Variants in YPEL5 observed in about 807,000 individuals in gnomAD.
The protein encoded by YPEL5 is protein yippee-like 5.
In YPEL5, 1 loss-of-function variant was observed where a neutral mutation model predicts 10.5. That is an observed-to-expected ratio of 0.10 (90% CI 0.03 to 0.45). The LOEUF is 0.45. YPEL5 is among the 20% of genes least tolerant of loss of function. The pLI, the probability that YPEL5 is intolerant of heterozygous loss-of-function variation, is 0.97. For missense variants in YPEL5, 68 were observed against 159.3 expected (o/e 0.43, Z 3.09); for synonymous variants, 61 against 56.6 (o/e 1.08, Z -0.35).
chr2:30,147,963 C>T (rs6718385), intron 1 of YPEL5: 14,802 of 152,044 alleles, frequency 0.097, 1,673 homozygotes, highest in East Asian at 0.56. Flanking sequence ...CTGCGGCTGC[C>T]GGGTGAGCCC....
intron 1 of YPEL5, among the ~76,000 whole-genome samples, chr2:30,154,813 A>G (rs1459652827): frequency 6.6e-6 from 1 of 152,238 alleles, no homozygotes; most frequent in Non-Finnish European, 1.5e-5. Flanking sequence ...ATCTTGGCTC[A>G]CTGCGACCTC....
intron 1 of YPEL5, among the ~76,000 whole-genome samples, chr2:30,152,574 CTGATGG>C (rs1675848935): frequency 6.6e-6 from 1 of 152,192 alleles, no homozygotes; most frequent in South Asian, 2.1e-4. Context: ...GCAGGAAGGG[CTGATGG>C]TAAACCCTGA....
rs1676056993 is a variant in YPEL5, at chr2:30,156,756, C to T, written c.105C>T (p.Phe35=). Reference sequence around the variant, plus strand: ...GCTCAGAACTCATCTCCACTCGTTTCACAGGCGCCACTGGCAGAGCATTTC... The same window carrying T: ...GCTCAGAACTCATCTCCACTCGTTTTACAGGCGCCACTGGCAGAGCATTTC... ...TNRSELISTR[F]TGATGRAFLF... is the part of the protein sequence containing the mutation. Residue 35 remains phenylalanine (F), a synonymous_variant, in exon 2 of 3, where the codon TTC becomes TTT. Coordinates refer to ENST00000261353, the MANE Select transcript of YPEL5 (RefSeq NM_016061.3). The T allele has an allele frequency of 3.1e-6, 5 of 1,614,134 alleles. No individual in the cohort carries two copies. Among genetic ancestry groups the T allele is most frequent in the Non-Finnish European group, 3.4e-6 (4 of 1,180,018 alleles).
intron 1 of YPEL5, 39 bp from the exon 2 acceptor site, chr2:30,156,589 A>C: frequency 6.3e-7 from 1 of 1,586,380 alleles, no homozygotes; most frequent in Non-Finnish European, 8.6e-7. Context: ...TAACATGATT[A>C]TTATAATGCA....
intron 2 of YPEL5, 72 bp from the exon 3 acceptor site, chr2:30,158,547 C>G: frequency 3.5e-6 from 5 of 1,432,926 alleles, no homozygotes; most frequent in Non-Finnish European, 4.9e-6. Context: ...TTGCATTAAC[C>G]ATAATATTTT....
Position 30,156,159 on chromosome 2 carries a change from T to TC in YPEL5, c.-24-469_-24-468insC, listed in dbSNP as rs1289787613. ...CTCACTCTGTGTTCTCAAACCAGAC[T>TC]ACTCTCTTCTTGTTTTCTAATTGCC... On this transcript the variant is annotated intron_variant, in intron 1 of 2. Coordinates refer to ENST00000261353, the MANE Select transcript of YPEL5 (RefSeq NM_016061.3). 4.6e-5 allele frequency among the ~76,000 whole-genome samples: 7 copies of TC among 152,346 alleles called. 1 individual carries two copies. The East Asian group carries it at 1.3e-3, about 29-fold the overall frequency.
intron 1 of YPEL5, among the ~76,000 whole-genome samples, chr2:30,152,878 T>A (rs1675867531): frequency 7.5e-6 from 1 of 133,760 alleles, no homozygotes; most frequent in African/African-American, 2.9e-5. Flanking sequence ...AGCTTTTTAA[T>A]GACTGTCCTT....
chr2:30,148,927 A>G (rs980137037), intron 1 of YPEL5, among the ~76,000 whole-genome samples: 12 of 152,256 alleles, frequency 7.9e-5, no homozygotes, highest in Non-Finnish European at 2.9e-5. Flanking sequence ...TATAGAGATC[A>G]GTGTCAGTTT....
At chr2:30,157,517 A>G (rs1676096376) in intron 2 of YPEL5, among the ~76,000 whole-genome samples, 1 of 152,196 alleles carries the variant, frequency 6.6e-6, no homozygotes, top group Non-Finnish European at 1.5e-5. Context: ...ATTCATGCTC[A>G]CCAATCATCC....
intron 1 of YPEL5, among the ~76,000 whole-genome samples, chr2:30,150,195 A>G (rs1009048099): frequency 6.6e-6 from 1 of 152,186 alleles, no homozygotes; most frequent in Non-Finnish European, 1.5e-5. Context: ...GTTAATTGTT[A>G]TTGTTTCATA....
intron 1 of YPEL5, 41 bp from the exon 2 acceptor site, chr2:30,156,587 T>G: frequency 1.3e-6 from 2 of 1,585,322 alleles, no homozygotes; most frequent in Non-Finnish European, 1.7e-6. Context: ...GCTAACATGA[T>G]TATTATAATG....
intron 1 of YPEL5, chr2:30,156,426 T>A (rs1676041805): frequency 2.0e-6 from 1 of 490,378 alleles, no homozygotes; most frequent in African/African-American, 1.9e-5. Context: ...CTTTAAAATC[T>A]TCTTAGCTTA....
rs6547996 is a variant in YPEL5, at chr2:30,149,573, C to T, written c.-25+2511C>T. Reference sequence around the variant, plus strand: ...AGTGCTGATTATTATAGTAATCAACCCAGCACTCTTAAAAGTTATTTGGGT... The same window carrying T: ...AGTGCTGATTATTATAGTAATCAACTCAGCACTCTTAAAAGTTATTTGGGT... On this transcript the variant is annotated intron_variant, in intron 1 of 2. Transcript: ENST00000261353. Among the ~76,000 whole-genome samples, 1,034 of 152,206 alleles carry T rather than the reference C, an allele frequency of 6.8e-3. 11 individuals carry two copies. The highest frequency in any genetic ancestry group is 0.024 in the African/African-American group (986 of 41,490).
chr2:30,152,346 G>T (rs1302800841), intron 1 of YPEL5, among the ~76,000 whole-genome samples: 2 of 152,190 alleles, frequency 1.3e-5, no homozygotes, highest in Non-Finnish European at 2.9e-5. Flanking sequence ...GGGTTTAACA[G>T]TCACACTCGC....
chr2:30,155,638 G>T (rs1676008410), intron 1 of YPEL5, among the ~76,000 whole-genome samples: 1 of 152,196 alleles, frequency 6.6e-6, no homozygotes, highest in African/African-American at 2.4e-5. Flanking sequence ...AGGATAATTA[G>T]TTATGATGGA....
chr2:30,149,584 A>C (rs187390968), intron 1 of YPEL5, among the ~76,000 whole-genome samples: 51 of 152,312 alleles, frequency 3.3e-4, no homozygotes, highest in African/African-American at 1.1e-3. Flanking sequence ...CAGCACTCTT[A>C]AAAGTTATTT....
chr2:30,158,559 T>C, intron 2 of YPEL5, 60 bp from the exon 3 acceptor site: 1 of 1,518,592 alleles, frequency 6.6e-7, no homozygotes, highest in South Asian at 1.1e-5. Context: ...TAATATTTTG[T>C]ACATACTTGG....
intron 1 of YPEL5, chr2:30,148,241 A>G (rs1675602050): frequency 1.3e-5 from 2 of 152,232 alleles, no homozygotes; most frequent in Admixed American, 6.5e-5. Flanking sequence ...TTTTCTGTTT[A>G]CAGAGATCTG....
In YPEL5 at chr2:30,158,969, C is replaced by CT. The variant is rs1676161935; in HGVS notation, c.*127dup. On this transcript the variant is annotated 3_prime_UTR_variant, in exon 3 of 3. Coordinates refer to ENST00000261353, the MANE Select transcript of YPEL5 (RefSeq NM_016061.3). ...CTGCGGAACAAGAGGTTGTGAGAATCTAAGATGGAACCTTTCTTTCTTTCT... is the reference window on the plus strand; with the variant it reads ...CTGCGGAACAAGAGGTTGTGAGAATCTTAAGATGGAACCTTTCTTTCTTTCT... 7.0e-6 allele frequency: 6 copies of CT among 854,846 alleles called. No homozygotes were observed. In the Admixed American group the frequency reaches 8.6e-5, roughly 12 times the overall value. 53.0% of individuals were successfully genotyped at this position (854,846 alleles called of 1,614,324 possible).
Sources: gnomAD v4.1 joint callset for allele counts (sites outside exome capture counted in the v4.1 genomes callset) on GRCh38, gnomAD v4.1.1 for gene constraint, MANE v1.5 for transcripts, NCBI Gene and HGNC (gene_info 2026-07-23, HGNC 2026-07-21) for gene names.